The following PALS1 variants were observed in gnomAD, a reference collection of about 807,000 sequenced individuals.
PALS1 encodes protein associated with LIN7 1, MAGUK p55 family member, also known as protein PALS1.
PALS1 carries 31 observed loss-of-function variants against 78.9 expected under a neutral mutation model. That is an observed-to-expected ratio of 0.39 (90% CI 0.30 to 0.53). The LOEUF is 0.53. Among genes scored for constraint, PALS1 ranks in the 20% least tolerant of loss-of-function variants. The pLI, the probability that PALS1 is intolerant of heterozygous loss-of-function variation, is 0.67. For synonymous variants in PALS1, 276 were observed against 270.9 expected (o/e 1.02, Z -0.18); for missense variants, 704 against 826.5 (o/e 0.85, Z 1.82).
At chr14:67,249,533 C>T (rs913846228) in intron 1 of PALS1, among the ~76,000 whole-genome samples, 3 of 152,146 alleles carry the variant, frequency 2.0e-5, no homozygotes, top group Admixed American at 6.5e-5. Context: ...TGCTTTGTCA[C>T]AAACCAACAG....
rs533831095 is a variant in PALS1 at position 67,330,455 on chromosome 14, ATTTT to A, written c.1852-2308_1852-2305del. 1.5e-3 allele frequency among the ~76,000 whole-genome samples: 175 copies of A among 117,772 alleles called. 3 individuals carry two copies. The South Asian group carries it at 0.039, about 26-fold the overall frequency. 77.3% of individuals were successfully genotyped at this position (117,772 alleles called of 152,430 possible). ...TAGAAGTATTTTCTAATTTCCCTTC[ATTTT>A]TTTTTTTTTTTTTTTTGAGATGGGG... On this transcript the variant is annotated intron_variant, in intron 14 of 14. Coordinates refer to ENST00000261681, the MANE Select transcript of PALS1 (RefSeq NM_022474.4).
At chr14:67,294,087 A>C (rs1566556672) in intron 4 of PALS1, among the ~76,000 whole-genome samples, 1 of 152,246 alleles carries the variant, frequency 6.6e-6, no homozygotes, top group Non-Finnish European at 1.5e-5. Context: ...ACTTTAAAAA[A>C]GATCAATTTT....
chr14:67,267,217 A>G (rs568806132), intron 1 of PALS1, among the ~76,000 whole-genome samples: 19 of 152,316 alleles, frequency 1.2e-4, no homozygotes, highest in Non-Finnish European at 2.2e-4. Flanking sequence ...TTCTTTTAAA[A>G]TCAGCTGAAT....
intron 8 of PALS1, among the ~76,000 whole-genome samples, chr14:67,304,277 AGCAATT>A (rs1360544373): frequency 6.6e-6 from 1 of 152,178 alleles, no homozygotes; most frequent in Non-Finnish European, 1.5e-5. Flanking sequence ...CATACAGTCA[AGCAATT>A]GCATTCCAAA....
chr14:67,327,718 T>C (rs8019109), intron 14 of PALS1, among the ~76,000 whole-genome samples: 28,975 of 151,766 alleles, frequency 0.19, 4,448 homozygotes, highest in East Asian at 0.48. Context: ...CAGTTCCCAC[T>C]TATGAGTGAG....
chr14:67,313,640 G>C (rs1191534066), intron 9 of PALS1, among the ~76,000 whole-genome samples: 1 of 152,134 alleles, frequency 6.6e-6, no homozygotes, highest in Non-Finnish European at 1.5e-5. Context: ...GGGATATAGA[G>C]TAAAGGGATA....
intron 1 of PALS1, among the ~76,000 whole-genome samples, chr14:67,245,054 G>T (rs554816251): frequency 6.6e-6 from 1 of 152,262 alleles, no homozygotes; most frequent in South Asian, 2.1e-4. Flanking sequence ...GAATATGAGT[G>T]GTGTCTAGAA....
intron 14 of PALS1, 97 bp downstream of exon 14, chr14:67,323,909 G>A (rs1595617948): frequency 3.1e-6 from 2 of 652,988 alleles, no homozygotes. Flanking sequence ...ATTAGCTTGA[G>A]CTTTCAAACT....
chr14:67,251,697 T>A (rs112663719), intron 1 of PALS1, among the ~76,000 whole-genome samples: 2,994 of 152,350 alleles, frequency 0.02, 41 homozygotes, highest in Middle Eastern at 0.034. Context: ...TCTTTGTCCC[T>A]GACAGCTGAC....
intron 2 of PALS1, among the ~76,000 whole-genome samples, chr14:67,273,743 T>G (rs1030320200): frequency 5.3e-5 from 8 of 152,226 alleles, no homozygotes; most frequent in Admixed American, 5.2e-4. Context: ...CCAGCAACAG[T>G]GTAAAAGTGT....
At position 67,335,350 on chromosome 14, in the gene PALS1, C is replaced by T. The variant is rs2085513847; in HGVS notation, c.*2394C>T. 1 of 152,220 alleles carries T rather than the reference C, an allele frequency of 6.6e-6. No individual in the cohort carries two copies. Among genetic ancestry groups the T allele is most frequent in the South Asian group, 2.1e-4 (1 of 4,834 alleles). 9.4% of individuals were successfully genotyped at this position (152,220 alleles called of 1,614,324 possible). The stretch of plus-strand genomic sequence containing the variant: ...ACAGCCACTCTGGCCAATTCCATTT[C>T]CTGTCCCTCTGTGGTTCTGACTGGA... On this transcript the variant is annotated 3_prime_UTR_variant, in exon 15 of 15. Coordinates refer to ENST00000261681, the MANE Select transcript of PALS1 (RefSeq NM_022474.4).
intron 14 of PALS1, among the ~76,000 whole-genome samples, chr14:67,325,913 A>G (rs2085346151): frequency 6.7e-6 from 1 of 148,224 alleles, no homozygotes; most frequent in East Asian, 2.0e-4. Context: ...GGTTCGAGCT[A>G]TTCTTCTGCC....
At chr14:67,263,002 T>C (rs2084262972) in intron 1 of PALS1, among the ~76,000 whole-genome samples, 1 of 152,224 alleles carries the variant, frequency 6.6e-6, no homozygotes, top group East Asian at 1.9e-4. Context: ...TAATCTTTTA[T>C]TGCTAAGGAG....
chr14:67,270,684 A>AAT (rs2084395131), intron 2 of PALS1: 6 of 151,606 alleles, frequency 4.0e-5, no homozygotes, highest in Admixed American at 4.0e-4. Flanking sequence ...TGTATGGGCT[A>AAT]GAGTATTTGT....
chr14:67,313,876 T>C (rs1353529322), intron 9 of PALS1, among the ~76,000 whole-genome samples: 2 of 152,078 alleles, frequency 1.3e-5, no homozygotes, highest in Admixed American at 6.6e-5. Context: ...AACTTCTTGA[T>C]GTCAGAGGCC....
intron 1 of PALS1, among the ~76,000 whole-genome samples, chr14:67,244,367 A>C (rs1030048255): frequency 2.0e-5 from 3 of 152,240 alleles, no homozygotes; most frequent in Non-Finnish European, 4.4e-5. Context: ...ACATTCCTGC[A>C]AACAGTATGA....
rs899213070 is a variant in PALS1 at position 67,301,363 on chromosome 14, G to T, written c.577-26G>T. On this transcript the variant is annotated intron_variant, in intron 4 of 14. Coordinates refer to ENST00000261681, the MANE Select transcript of PALS1 (RefSeq NM_022474.4). ...ACTGATACTTCCTATAATCTAGGAA[G>T]AATAATCTTTATTTTTGTTTCTTAG... 9.0e-6 allele frequency: 14 copies of T among 1,552,314 alleles called. No homozygotes were observed. The African/African-American group carries it at 1.5e-4, about 17-fold the overall frequency.
intron 1 of PALS1, among the ~76,000 whole-genome samples, chr14:67,253,275 C>G (rs190567431): frequency 1.3e-5 from 2 of 152,100 alleles, no homozygotes; most frequent in African/African-American, 4.8e-5. Flanking sequence ...AGCACTCTTT[C>G]AATGTTAGAT....
rs1418899210 is a variant in PALS1 at position 67,333,629 on chromosome 14, C to A, written c.*673C>A. On this transcript the variant is annotated 3_prime_UTR_variant, in exon 15 of 15. Coordinates refer to ENST00000261681, the MANE Select transcript of PALS1 (RefSeq NM_022474.4). ...TGTGGATCAGACTCTACACTCAACA[C>A]ACTCTAATCTACTTAAAGGTATACA... 6.6e-6 allele frequency: 1 copy of A among 152,618 alleles called. No individual in the cohort carries two copies. The highest frequency in any genetic ancestry group is 1.5e-5 in the Non-Finnish European group (1 of 68,018). The allele number at this position is 152,618 out of a possible 1,614,324, so 9.5% of individuals were successfully genotyped here.
Sources: allele counts gnomAD v4.1 joint callset (sites outside exome capture counted in the v4.1 genomes callset), GRCh38; gene constraint gnomAD v4.1.1; transcripts MANE v1.5; gene names NCBI Gene and HGNC (gene_info 2026-07-23, HGNC 2026-07-21).